Variants in ZNF543 observed in about 807,000 individuals in gnomAD.
The protein encoded by ZNF543 is zinc finger protein 543.
Under a neutral mutation model 13.4 loss-of-function variants are expected in ZNF543, and 10 were observed. That is an observed-to-expected ratio of 0.75 (90% CI 0.46 to 1.26). The LOEUF (loss-of-function observed/expected upper bound fraction) is 1.26. Among genes scored for constraint, ZNF543 ranks in the 50% most tolerant of loss-of-function variants. The pLI is 0.00. For synonymous variants in ZNF543, 272 were observed against 264.7 expected, an observed-to-expected ratio of 1.03 and a Z score of -0.27; for missense variants, 768 against 741.2, an observed-to-expected ratio of 1.04 and a Z score of -0.42.
chr19:57,327,255 C>G (rs1433157469), intron 3 of ZNF543, among the ~76,000 whole-genome samples: 2 of 151,612 alleles, frequency 1.3e-5, no homozygotes, highest in Non-Finnish European at 2.9e-5. Flanking sequence ...ATTTCTTACT[C>G]AGTGCCTTGC....
At chr19:57,322,482 CA>C (rs34137895) in intron 1 of ZNF543, among the ~76,000 whole-genome samples, 2,668 of 128,430 alleles carry the variant, frequency 0.021, 57 homozygotes, top group African/African-American at 0.063. Flanking sequence ...GACCCTGTCT[CA>C]AAAAAAAAAA....
Position 57,328,002 on chromosome 19 carries a change from ATG to A in ZNF543, c.543_544del (p.Cys181Ter). 5.6e-6 allele frequency: 9 copies of A among 1,614,234 alleles called. No individual in the cohort carries two copies. Among genetic ancestry groups the A allele is most frequent in the Non-Finnish European group, 7.6e-6 (9 of 1,180,056 alleles). On this transcript the variant is annotated frameshift_variant, in exon 4 of 4. Coordinates refer to ENST00000321545, the MANE Select transcript of ZNF543 (RefSeq NM_213598.4). LOFTEE classifies it low-confidence loss of function (END_TRUNC). Reference protein sequence around the residue: ...QVSTEGDLYECDSHGPVTDAL... With the variant: ...QVSTEGDLYEXDSHGPVTDAL... ...TTTCAACAGAAGGTGATCTCTATGA[ATG>A]TGATTCACATGGACCAGTTACAGAT...
At chr19:57,322,949 T>C (rs2088098428) in intron 1 of ZNF543, among the ~76,000 whole-genome samples, 3 of 152,080 alleles carry the variant, frequency 2.0e-5, no homozygotes, top group African/African-American at 4.8e-5. Flanking sequence ...CTGGGGACTT[T>C]TAGTCACTTT....
Position 57,327,630 on chromosome 19 carries a change from TC to T in ZNF543, c.242-73del, listed in dbSNP as rs2088130562. On this transcript the variant is annotated intron_variant, in intron 3 of 3. Coordinates refer to ENST00000321545, the MANE Select transcript of ZNF543 (RefSeq NM_213598.4). ...AAAGTGCTGGGATTACAGGTATGAA[TC>T]ACTGTCCCTGGCCTTTGTTTTTTCT... 14 of 1,520,140 alleles carry T rather than the reference TC, an allele frequency of 9.2e-6. No individual in the cohort carries two copies. The South Asian group carries it at 1.9e-4, about 21-fold the overall frequency. 94.2% of individuals were successfully genotyped at this position (1,520,140 alleles called of 1,614,324 possible).
At chr19:57,321,011 C>T (rs773076595) in intron 1 of ZNF543, 140 bp downstream of exon 1, 42 of 1,200,960 alleles carry the variant, frequency 3.5e-5, no homozygotes, top group African/African-American at 4.5e-5. Context: ...TTGTCATTTC[C>T]TTTATCCGCA....
chr19:57,325,510 T>A (rs189068583), intron 2 of ZNF543, among the ~76,000 whole-genome samples: 1 of 152,314 alleles, frequency 6.6e-6, no homozygotes, highest in East Asian at 1.9e-4. Flanking sequence ...GGCTGGCTCC[T>A]GGGTTGGTGG....
Position 57,320,739 on chromosome 19 carries a change from A to G in ZNF543, c.-115A>G. ...TTTGTGCGCATTTTTCTCTGGGGAAACTGAGGCTCCGAGTGCGAAAGTCAG... is the reference window on the plus strand; with the variant it reads ...TTTGTGCGCATTTTTCTCTGGGGAAGCTGAGGCTCCGAGTGCGAAAGTCAG... On this transcript the variant is annotated 5_prime_UTR_variant, in exon 1 of 4. Transcript: ENST00000321545. 7.5e-7 allele frequency: 1 copy of G among 1,327,672 alleles called. No individual in the cohort carries two copies. Among genetic ancestry groups the G allele is most frequent in the Non-Finnish European group, 1.0e-6 (1 of 970,074 alleles). 82.2% of individuals were successfully genotyped at this position (1,327,672 alleles called of 1,614,324 possible).
intron 1 of ZNF543, among the ~76,000 whole-genome samples, chr19:57,323,122 G>T (rs551112144): frequency 6.6e-6 from 1 of 151,792 alleles, no homozygotes; most frequent in Non-Finnish European, 1.5e-5. Context: ...AGTCCCCTTA[G>T]GATTGTCCTA....
Position 57,328,678 on chromosome 19 carries a change from C to T in ZNF543, c.1216C>T (p.Arg406Cys), listed in dbSNP as rs1442621550. 8 of 1,613,340 alleles carry T rather than the reference C, an allele frequency of 5.0e-6. No individual in the cohort carries two copies. The highest frequency in any genetic ancestry group is 3.3e-5 in the South Asian group (3 of 91,064). Reference protein sequence around the residue: ...KCMECGKAFNRRSHLKQHQRI... With the variant: ...KCMECGKAFNCRSHLKQHQRI... ...CATGGAGTGTGGGAAGGCGTTCAACCGTAGGTCACACCTCAAGCAGCATCA... is the reference window on the plus strand; with the variant it reads ...CATGGAGTGTGGGAAGGCGTTCAACTGTAGGTCACACCTCAAGCAGCATCA... Residue 406 changes from arginine to cysteine, a missense_variant, in exon 4 of 4, where the codon CGT (arginine) becomes TGT (cysteine). Coordinates refer to ENST00000321545, the MANE Select transcript of ZNF543 (RefSeq NM_213598.4).
Position 57,320,885 on chromosome 19 carries a change from G to C in ZNF543, c.18+14G>C. ...GCCTCGGCGCAGGTGAGTGGACGAG[G>C]TTTTGGCCTTGCTGCTGCTCTGCTA... On this transcript the variant is annotated intron_variant, in intron 1 of 3. Coordinates refer to ENST00000321545, the MANE Select transcript of ZNF543 (RefSeq NM_213598.4). The C allele has an allele frequency of 1.9e-6, 3 of 1,614,058 alleles. No individual in the cohort carries two copies. Among genetic ancestry groups the C allele is most frequent in the Non-Finnish European group, 2.5e-6 (3 of 1,179,994 alleles).
rs751851172 is a variant in ZNF543 at position 57,328,656 on chromosome 19, G to A, written c.1194G>A (p.Met398Ile). 1.6e-5 allele frequency: 26 copies of A among 1,613,198 alleles called. No homozygotes were observed. The highest frequency in any genetic ancestry group is 2.0e-5 in the Non-Finnish European group (24 of 1,179,820). Residue 398 changes from methionine (M) to isoleucine (I), a missense_variant, in exon 4 of 4, where the codon ATG (methionine) becomes ATA (isoleucine). Coordinates refer to ENST00000321545, the MANE Select transcript of ZNF543 (RefSeq NM_213598.4). ...CTGGGGAGAAGCCCTATAAGTGCAT[G>A]GAGTGTGGGAAGGCGTTCAACCGTA... ...IHTGEKPYKC[M>I]ECGKAFNRRS...
In ZNF543 at chr19:57,321,137, C is replaced by A. The variant is rs144891752; in HGVS notation, c.18+266C>A. On this transcript the variant is annotated intron_variant, in intron 1 of 3. Coordinates refer to ENST00000321545, the MANE Select transcript of ZNF543 (RefSeq NM_213598.4). ...TAAATCCAACCTCCTCTGTTGCCTG[C>A]CAGCCCCTACCCCATCCACCTGGCC... Among the ~76,000 whole-genome samples the A allele has an allele frequency of 4.6e-5, 7 of 152,312 alleles. No homozygotes were observed. The East Asian group carries it at 1.3e-3, about 29-fold the overall frequency.
Position 57,323,845 on chromosome 19 carries a change from G to A in ZNF543, c.145+37G>A, listed in dbSNP as rs761661023. 2.5e-6 allele frequency: 4 copies of A among 1,598,942 alleles called. No homozygotes were observed. In the South Asian group the frequency reaches 4.4e-5, roughly 18 times the overall value. The stretch of plus-strand genomic sequence containing the variant: ...TCTGGTCCTGTGCTCCCTTAGGATT[G>A]AGTTCTCCTACTCATGTTCCCCTCT... On this transcript the variant is annotated intron_variant, in intron 2 of 3. Coordinates refer to ENST00000321545, the MANE Select transcript of ZNF543 (RefSeq NM_213598.4).
At position 57,320,638 on chromosome 19, in the gene ZNF543, G is replaced by C. The variant is rs1437392182; in HGVS notation, c.-216G>C. 3 of 560,866 alleles carry C rather than the reference G, an allele frequency of 5.3e-6. No individual in the cohort carries two copies. The South Asian group carries it at 6.6e-5, about 12-fold the overall frequency. The allele number at this position is 560,866 out of a possible 1,614,324, so 34.7% of individuals were successfully genotyped here. On this transcript the variant is annotated 5_prime_UTR_variant, in exon 1 of 4. Coordinates refer to ENST00000321545, the MANE Select transcript of ZNF543 (RefSeq NM_213598.4). ...GACGCCCCGCTTCTTCCCTAACGGGGTGTTCCACCGGCGCCTGCCGAGGCC... is the reference window on the plus strand; with the variant it reads ...GACGCCCCGCTTCTTCCCTAACGGGCTGTTCCACCGGCGCCTGCCGAGGCC...
At chr19:57,324,482 T>C (rs7249011) in intron 2 of ZNF543, among the ~76,000 whole-genome samples, 61,197 of 152,012 alleles carry the variant, frequency 0.4, 12,930 homozygotes, top group African/African-American at 0.48. Context: ...TCTGTTGCTG[T>C]CACTATTGTC....
chr19:57,327,784 C>G lies in ZNF543; in HGVS notation c.322C>G (p.Leu108Val). Reference protein sequence around the residue: ...LPEEVLLQEQLTQGASKNSQL... With the variant: ...LPEEVLLQEQVTQGASKNSQL... Reference sequence around the variant, plus strand: ...TGAGGAAGTCTTACTCCAGGAACAACTGACACAAGGAGCCTCAAAGAACTC... The same window carrying G: ...TGAGGAAGTCTTACTCCAGGAACAAGTGACACAAGGAGCCTCAAAGAACTC... Residue 108 changes from leucine to valine, a missense_variant, in exon 4 of 4, where the codon CTG (leucine) becomes GTG (valine). Physicochemically the swap from Leu to Val is conservative, Grantham distance 32 (BLOSUM62 1). This residue lies in a region of ZNF543 where 677 missense variants were observed against 631.4 expected (regional missense o/e 1.07). Transcript: ENST00000321545. The G allele has an allele frequency of 6.2e-7, 1 of 1,614,090 alleles. No homozygotes were observed. The highest frequency in any genetic ancestry group is 1.1e-5 in the South Asian group (1 of 91,084).
Position 57,328,655 on chromosome 19 carries a change from T to G in ZNF543, c.1193T>G (p.Met398Arg), listed in dbSNP as rs764561356. 2.9e-5 allele frequency: 47 copies of G among 1,613,544 alleles called. No homozygotes were observed. Among genetic ancestry groups the G allele is most frequent in the Non-Finnish European group, 3.9e-5 (46 of 1,179,906 alleles). ...IHTGEKPYKC[M>R]ECGKAFNRRS... Reference sequence around the variant, plus strand: ...ACTGGGGAGAAGCCCTATAAGTGCATGGAGTGTGGGAAGGCGTTCAACCGT... The same window carrying G: ...ACTGGGGAGAAGCCCTATAAGTGCAGGGAGTGTGGGAAGGCGTTCAACCGT... The change falls in exon 4 of 4, where the codon ATG (methionine) becomes AGG (arginine). Residue 398 changes from methionine (M) to arginine (R), a missense_variant. Coordinates refer to ENST00000321545, the MANE Select transcript of ZNF543 (RefSeq NM_213598.4).
Position 57,328,477 on chromosome 19 carries a change from T to C in ZNF543, c.1015T>C (p.Tyr339His). Residue 339 changes from tyrosine to histidine, a missense_variant, in exon 4 of 4, where the codon TAT becomes CAT. By Grantham distance (83) the Tyr-to-His change is moderately conservative. Coordinates refer to ENST00000321545, the MANE Select transcript of ZNF543 (RefSeq NM_213598.4). ...CATCATCCACACGGGAGAGAAGCCC[T>C]ATGAGTGCATTGAGTGTGGGAAGGC... is the stretch of plus-strand genomic sequence containing the variant. The part of the protein sequence containing the change: ...HYIIHTGEKP[Y>H]ECIECGKAFN... The C allele has an allele frequency of 6.2e-7, 1 of 1,614,214 alleles. No homozygotes were observed. Among genetic ancestry groups the C allele is most frequent in the South Asian group, 1.1e-5 (1 of 91,088 alleles).
intron 3 of ZNF543, 136 bp from the exon 4 acceptor site, chr19:57,327,568 C>T: frequency 8.3e-7 from 1 of 1,204,976 alleles, no homozygotes; most frequent in Non-Finnish European, 1.1e-6. Flanking sequence ...TGGTCTCAAA[C>T]TCCTGACCTC....
Sources: gnomAD v4.1 joint callset for allele counts (sites outside exome capture counted in the v4.1 genomes callset) on GRCh38, gnomAD v4.1.1 for gene constraint, gnomAD v4.1.1 regional missense constraint, MANE v1.5 for transcripts, NCBI Gene and HGNC (gene_info 2026-07-23, HGNC 2026-07-21) for gene names.